Variants in SEMA4D observed in about 807,000 individuals in gnomAD.
SEMA4D encodes semaphorin-4D.
SEMA4D carries 22 observed loss-of-function variants against 74.8 expected under a neutral mutation model. The observed-to-expected ratio is 0.29, with a 90% CI of 0.21 to 0.42. The LOEUF (loss-of-function observed/expected upper bound fraction) is 0.42. Among genes scored for constraint, SEMA4D ranks in the 10% least tolerant of loss-of-function variants. SEMA4D has a pLI of 1.00. For missense variants in SEMA4D, 937 were observed against 1,118.4 expected (o/e 0.84, Z 2.31); for synonymous variants, 445 against 463.7 (o/e 0.96, Z 0.52).
chr9:89,372,090 T>TG (rs1835075884), intron 16 of SEMA4D, among the ~76,000 whole-genome samples: 1 of 43,104 alleles, frequency 2.3e-5, no homozygotes, highest in Non-Finnish European at 4.1e-5. Flanking sequence ...GTCGGGTGTG[T>TG]GTGTGGGGGG....
intron 16 of SEMA4D, among the ~76,000 whole-genome samples, chr9:89,366,162 G>A (rs1833632752): frequency 6.6e-6 from 1 of 152,214 alleles, no homozygotes; most frequent in Non-Finnish European, 1.5e-5. Context: ...AGAAAAATAA[G>A]TGAAACAATA....
At chr9:89,409,483 G>A (rs899907900) in intron 2 of SEMA4D, among the ~76,000 whole-genome samples, 1 of 152,176 alleles carries the variant, frequency 6.6e-6, no homozygotes, top group Admixed American at 6.5e-5. Flanking sequence ...CTGAAAATGA[G>A]GGGGCTGTGC....
At chr9:89,371,973 GGT>G (rs1369618945) in intron 16 of SEMA4D, among the ~76,000 whole-genome samples, 99 of 122,420 alleles carry the variant, frequency 8.1e-4, no homozygotes, top group East Asian at 1.8e-3. Context: ...TGTGGGGTGT[GGT>G]GTGTGTCTGG....
intron 1 of SEMA4D, among the ~76,000 whole-genome samples, chr9:89,471,380 T>C (rs1394312072): frequency 1.3e-5 from 2 of 152,250 alleles, no homozygotes; most frequent in Admixed American, 1.3e-4. Context: ...TTTACCACAA[T>C]TGTAAAAACT....
At chr9:89,435,635 G>A (rs1240560927) in intron 2 of SEMA4D, among the ~76,000 whole-genome samples, 1 of 152,104 alleles carries the variant, frequency 6.6e-6, no homozygotes, top group Non-Finnish European at 1.5e-5. Flanking sequence ...AGGCCACCCA[G>A]GTCTCTGTGT....
At chr9:89,428,938 T>C (rs1848667763) in intron 2 of SEMA4D, among the ~76,000 whole-genome samples, 1 of 152,162 alleles carries the variant, frequency 6.6e-6, no homozygotes, top group African/African-American at 2.4e-5. Flanking sequence ...ACCACACCAC[T>C]GCAGGCTCCG....
intron 1 of SEMA4D, among the ~76,000 whole-genome samples, chr9:89,473,992 C>A (rs1490129235): frequency 6.6e-6 from 1 of 152,206 alleles, no homozygotes; most frequent in Non-Finnish European, 1.5e-5. Flanking sequence ...CCCAGGCATC[C>A]CCCAGAGAAG....
At chr9:89,450,211 T>G (rs1854015380) in intron 2 of SEMA4D, 1 of 1,263,946 alleles carries the variant, frequency 7.9e-7, no homozygotes, top group Non-Finnish European at 1.2e-6. Flanking sequence ...AAAGCTGAAT[T>G]TGAGGTACAT....
chr9:89,461,700 C>CTTTTTTTTTTTTTTTTTTTTTTTTT (rs61696689), intron 1 of SEMA4D, among the ~76,000 whole-genome samples: 4 of 103,646 alleles, frequency 3.9e-5, no homozygotes, highest in African/African-American at 1.4e-4. Context: ...TCTTTTTTCT[C>CTTTTTTTTTTTTTTTTTTTTTTTTT]TTTTTTTTTT....
chr9:89,388,877 T>G lies in SEMA4D; in HGVS notation c.945A>C (p.Pro315=). The G allele has an allele frequency of 2.5e-6, 4 of 1,613,818 alleles. No homozygotes were observed. The highest frequency in any genetic ancestry group is 3.4e-6 in the Non-Finnish European group (4 of 1,179,826). The change falls in exon 10 of 16, where the codon CCA becomes CCC. Residue 315 remains proline, a synonymous_variant. Transcript: ENST00000422704. ...ACTCCACCCAGGGCACTTACAGCTG[T>G]GGGGTGAAGAGTGCATAGAACACAG... ...KVPVFYALFT[P]QLNNVGLSAV...
At chr9:89,452,182 G>GGTTT (rs1554777538) in intron 2 of SEMA4D, among the ~76,000 whole-genome samples, 4 of 135,434 alleles carry the variant, frequency 3.0e-5, no homozygotes, top group Non-Finnish European at 6.2e-5. Context: ...GGTTTTTTTT[G>GGTTT]TTTTTTTTTT....
chr9:89,423,179 G>A (rs537700761), intron 2 of SEMA4D, among the ~76,000 whole-genome samples: 428 of 145,830 alleles, frequency 2.9e-3, no homozygotes, highest in African/African-American at 0.01. Context: ...AAGTCACCTA[G>A]CTCAAACTTT....
chr9:89,405,740 G>C (rs760371997), intron 2 of SEMA4D, 41 bp from the exon 3 acceptor site: 27 of 1,381,048 alleles, frequency 2.0e-5, no homozygotes, highest in Non-Finnish European at 2.4e-5. Flanking sequence ...CCCATGGTGA[G>C]TGATGACCTG....
chr9:89,415,934 C>T (rs1427285015), intron 2 of SEMA4D, among the ~76,000 whole-genome samples: 1 of 152,154 alleles, frequency 6.6e-6, no homozygotes, highest in Non-Finnish European at 1.5e-5. Context: ...CAGAGCTTGG[C>T]TTGCAGGGAG....
intron 2 of SEMA4D, among the ~76,000 whole-genome samples, chr9:89,412,932 C>T (rs145994131): frequency 1.3e-5 from 2 of 152,132 alleles, no homozygotes; most frequent in African/African-American, 4.8e-5. Flanking sequence ...GCCGGCCCTG[C>T]GAGTTCTTTC....
Position 89,379,470 on chromosome 9 carries a change from T to G in SEMA4D, c.1823A>C (p.Asn608Thr), listed in dbSNP as rs959897181. ...SPKYGLMGRK[N>T]LLIFNLSEGD... ...TTCTGACAAGTTGAAGATGAGCAAG[T>G]TTTTTCTGCCCATAAGACCGTACTT... The change falls in exon 16 of 16, where the codon AAC (asparagine) becomes ACC (threonine). Residue 608 changes from asparagine to threonine, a missense_variant. Transcript: ENST00000422704. The G allele has an allele frequency of 6.2e-7, 1 of 1,614,038 alleles. No individual in the cohort carries two copies.
intron 1 of SEMA4D, among the ~76,000 whole-genome samples, chr9:89,473,123 ACTTAT>A (rs1390905703): frequency 1.3e-5 from 2 of 152,130 alleles, no homozygotes; most frequent in African/African-American, 4.8e-5. Context: ...CGCTCATTCA[ACTTAT>A]CTTAAGATAC....
intron 15 of SEMA4D, among the ~76,000 whole-genome samples, chr9:89,379,955 C>T (rs994551750): frequency 1.3e-5 from 2 of 152,214 alleles, no homozygotes; most frequent in East Asian, 1.9e-4. Flanking sequence ...GAATCAGACA[C>T]GAGACGCTTC....
intron 2 of SEMA4D, among the ~76,000 whole-genome samples, chr9:89,431,047 T>C (rs909266933): frequency 1.3e-5 from 2 of 152,216 alleles, no homozygotes; most frequent in Non-Finnish European, 2.9e-5. Flanking sequence ...TATTATAGCA[T>C]GCTATGCCGG....
Sources: allele counts gnomAD v4.1 joint callset (sites outside exome capture counted in the v4.1 genomes callset), GRCh38; gene constraint gnomAD v4.1.1; transcripts MANE v1.5; gene names NCBI Gene and HGNC (gene_info 2026-07-23, HGNC 2026-07-21).